The following ATF7 variants were observed in gnomAD, a reference collection of about 807,000 sequenced individuals.
ATF7 encodes cyclic AMP-dependent transcription factor ATF-7.
In ATF7, 10 loss-of-function variants were observed where a neutral mutation model predicts 50.4. The observed-to-expected ratio is 0.20, with a 90% CI of 0.12 to 0.34. ATF7 has a LOEUF of 0.34. Ranked by LOEUF, ATF7 falls within the 10% of genes least tolerant of loss-of-function variation. The pLI, the probability that ATF7 is intolerant of heterozygous loss-of-function variation, is 1.00. For missense variants in ATF7, 465 were observed against 613.9 expected (o/e 0.76, Z 2.56); for synonymous variants, 201 against 226.4 (o/e 0.89, Z 1.01).
chr12:53,597,445 T>C (rs1943209469), intron 2 of ATF7, among the ~76,000 whole-genome samples: 1 of 152,198 alleles, frequency 6.6e-6, no homozygotes, highest in African/African-American at 2.4e-5. Flanking sequence ...AGTTTAGGAA[T>C]GCATAGGGTA....
At chr12:53,559,170 G>A (rs1940931260) in intron 2 of ATF7, among the ~76,000 whole-genome samples, 1 of 150,930 alleles carries the variant, frequency 6.6e-6, no homozygotes, top group African/African-American at 2.4e-5. Context: ...GGTGGAAACT[G>A]TAAATAAGGA....
chr12:53,608,027 G>A (rs1436508152), intron 1 of ATF7, among the ~76,000 whole-genome samples: 1 of 151,960 alleles, frequency 6.6e-6, no homozygotes, highest in Non-Finnish European at 1.5e-5. Context: ...AGACCATCCT[G>A]GCCAACACGG....
intron 2 of ATF7, among the ~76,000 whole-genome samples, chr12:53,587,836 TA>T (rs1278089649): frequency 7.3e-4 from 36 of 49,056 alleles, no homozygotes; most frequent in Admixed American, 2.4e-3. Flanking sequence ...TATATATATA[TA>T]TATATATTTT....
At chr12:53,554,870 GAAAAAAAA>G (rs61675595) in intron 2 of ATF7, among the ~76,000 whole-genome samples, 7 of 76,048 alleles carry the variant, frequency 9.2e-5, no homozygotes, top group Non-Finnish European at 9.9e-5. Context: ...CTCAAAAAAA[GAAAAAAAA>G]AAAAAAAAAA....
intron 2 of ATF7, among the ~76,000 whole-genome samples, chr12:53,577,191 T>C (rs1181831671): frequency 6.6e-6 from 1 of 151,840 alleles, no homozygotes; most frequent in Non-Finnish European, 1.5e-5. Context: ...GAGGCTGAAA[T>C]TGGAGGATGA....
Position 53,524,976 on chromosome 12 carries a change from GA to G in ATF7, c.928-216del, listed in dbSNP as rs1938358119. On this transcript the variant is annotated intron_variant, in intron 9 of 11. Transcript: ENST00000420353. The surrounding 1 kb of genome is among the most constrained non-coding windows in gnomAD (Gnocchi z 4.6). Reference sequence around the variant, plus strand: ...TCCAGTCTTCTCAGTCTCATACTTAGACAAACTACAGTTCATTTGGAAACTC... The same window carrying G: ...TCCAGTCTTCTCAGTCTCATACTTAGCAAACTACAGTTCATTTGGAAACTC... The G allele has an allele frequency of 2.0e-6, 1 of 500,332 alleles. No individual in the cohort carries two copies. The highest frequency in any genetic ancestry group is 2.0e-5 in the African/African-American group (1 of 50,354). The allele number at this position is 500,332 out of a possible 1,614,324, so 31.0% of individuals were successfully genotyped here.
intron 1 of ATF7, among the ~76,000 whole-genome samples, chr12:53,620,580 A>T (rs1223855141): frequency 1.3e-5 from 2 of 148,756 alleles, no homozygotes; most frequent in Non-Finnish European, 3.0e-5. Flanking sequence ...CGTCTCAAAA[A>T]AAAAAAAAAA....
rs1937632958 is a variant in ATF7, at chr12:53,515,101, G to C, written c.*2036C>G. 1 of 152,134 alleles carries C rather than the reference G, an allele frequency of 6.6e-6. No homozygotes were observed. Among genetic ancestry groups the C allele is most frequent in the African/African-American group, 2.4e-5 (1 of 41,414 alleles). 9.4% of individuals were successfully genotyped at this position (152,134 alleles called of 1,614,324 possible). ...CATTTGCTAGTCTGAATCACTTCAG[G>C]GCCTATTCCTGTTGGGTACCTGATG... is the stretch of plus-strand genomic sequence containing the variant. On this transcript the variant is annotated 3_prime_UTR_variant, in exon 12 of 12. Transcript: ENST00000420353.
intron 2 of ATF7, among the ~76,000 whole-genome samples, chr12:53,590,240 G>A (rs566492756): frequency 1.6e-4 from 25 of 152,256 alleles, no homozygotes; most frequent in African/African-American, 5.1e-4. Context: ...TATCACAGTC[G>A]TCATTAAACC....
chr12:53,529,798 T>C (rs1457457322), intron 9 of ATF7, among the ~76,000 whole-genome samples: 10 of 149,796 alleles, frequency 6.7e-5, no homozygotes, highest in African/African-American at 2.2e-4. Flanking sequence ...TGGAGTGCAG[T>C]GGCACGATCT....
rs572305825 is a variant in ATF7, at chr12:53,591,633, T to C, written c.48+9320A>G. Among the ~76,000 whole-genome samples, 9 of 152,290 alleles carry C rather than the reference T, an allele frequency of 5.9e-5. No homozygotes were observed. In the South Asian group the frequency reaches 1.9e-3, roughly 32 times the overall value. ...CAACCTGTGCTGGTGCCAATCTTTA[T>C]AGTGGATTGAGCTATTTTTCAGGAA... On this transcript the variant is annotated intron_variant, in intron 2 of 11. Coordinates refer to ENST00000420353, the MANE Select transcript of ATF7 (RefSeq NM_006856.3).
At chr12:53,520,264 A>G (rs957119108) in intron 11 of ATF7, among the ~76,000 whole-genome samples, 12 of 151,924 alleles carry the variant, frequency 7.9e-5, no homozygotes, top group Non-Finnish European at 1.5e-4. Context: ...TGGGAACTTC[A>G]TCTGGTTTCA....
intron 1 of ATF7, among the ~76,000 whole-genome samples, chr12:53,616,523 AC>A (rs1203340582): frequency 6.6e-6 from 1 of 152,044 alleles, no homozygotes; most frequent in African/African-American, 2.4e-5. Flanking sequence ...CACCCAACCT[AC>A]ACTTTCATAG....
chr12:53,528,598 AC>A lies in ATF7; in HGVS notation c.927+3145del, dbSNP rs1938640166. ...GCCAACATGGTGAAACCCCGTCTCT[AC>A]TGAAAATACAAAAATTAGCTGGGCA... On this transcript the variant is annotated intron_variant, in intron 9 of 11. Transcript: ENST00000420353. Among the ~76,000 whole-genome samples, 9 of 152,206 alleles carry A rather than the reference AC, an allele frequency of 5.9e-5. No individual in the cohort carries two copies. The East Asian group carries it at 1.4e-3, about 23-fold the overall frequency.
chr12:53,541,011 T>C (rs1248167653), intron 4 of ATF7, among the ~76,000 whole-genome samples: 1 of 152,128 alleles, frequency 6.6e-6, no homozygotes, highest in African/African-American at 2.4e-5. Flanking sequence ...ATTACAGGTG[T>C]GAACCACCAG....
chr12:53,523,870 A>T (rs1938270737), intron 10 of ATF7, among the ~76,000 whole-genome samples: 1 of 152,226 alleles, frequency 6.6e-6, no homozygotes, highest in Non-Finnish European at 1.5e-5. Context: ...CTAGATCTCC[A>T]GGAAACACTG....
intron 2 of ATF7, among the ~76,000 whole-genome samples, chr12:53,571,612 G>A (rs1941766225): frequency 6.6e-6 from 1 of 150,896 alleles, no homozygotes; most frequent in Non-Finnish European, 1.5e-5. Flanking sequence ...GTCCAGCCTG[G>A]GCAACACAGT....
intron 2 of ATF7, among the ~76,000 whole-genome samples, chr12:53,554,666 C>A (rs1404741077): frequency 6.6e-6 from 1 of 150,948 alleles, no homozygotes; most frequent in Non-Finnish European, 1.5e-5. Context: ...AGTTCGAGGC[C>A]AGCATGACCA....
chr12:53,527,135 G>T (rs986098478), intron 9 of ATF7, among the ~76,000 whole-genome samples: 4 of 151,472 alleles, frequency 2.6e-5, no homozygotes, highest in Non-Finnish European at 4.4e-5. Context: ...CTCCAGCCTG[G>T]GCAACAGAGC....
Sources: allele counts gnomAD v4.1 joint callset (sites outside exome capture counted in the v4.1 genomes callset), GRCh38; gene constraint gnomAD v4.1.1; non-coding constraint Gnocchi (gnomAD v3.1); transcripts MANE v1.5; gene names NCBI Gene and HGNC (gene_info 2026-07-23, HGNC 2026-07-21).